RERE: variants seen among roughly 807,000 people sequenced by gnomAD.
The protein encoded by RERE is arginine-glutamic acid dipeptide repeats.
RERE carries 40 observed loss-of-function variants against 146.1 expected under a neutral mutation model. That is an observed-to-expected ratio of 0.27 (90% confidence interval 0.21 to 0.36). The LOEUF (loss-of-function observed/expected upper bound fraction) is 0.36, where lower values mean the gene tolerates loss of function less well. RERE is among the 10% of genes least tolerant of loss of function. RERE has a pLI of 1.00. For synonymous variants in RERE, 1,003 were observed against 866.0 expected (o/e 1.16, Z -2.78); for missense variants, 1,933 against 2,138.7 (o/e 0.90, Z 1.90).
intron 7 of RERE, among the ~76,000 whole-genome samples, chr1:8,537,820 C>T (rs1355228759): frequency 6.6e-6 from 1 of 151,816 alleles, no homozygotes; most frequent in Non-Finnish European, 1.5e-5. Context: ...AAATCAGATC[C>T]CTGACAAGAT....
At chr1:8,634,176 T>TA (rs1647068194) in intron 2 of RERE, among the ~76,000 whole-genome samples, 1 of 152,154 alleles carries the variant, frequency 6.6e-6, no homozygotes, top group Non-Finnish European at 1.5e-5. Context: ...CTGCTGCTAC[T>TA]ACAACCGCTC....
At chr1:8,488,793 G>C (rs1297424492) in intron 10 of RERE, among the ~76,000 whole-genome samples, 1 of 152,090 alleles carries the variant, frequency 6.6e-6, no homozygotes, top group Non-Finnish European at 1.5e-5. Context: ...CAATGTCAAG[G>C]CAGTCAAATG....
Position 8,580,982 on chromosome 1 carries a change from G to A in RERE, c.523-23459C>T, listed in dbSNP as rs555126057. On this transcript the variant is annotated intron_variant, in intron 4 of 22. Transcript: ENST00000400908. ...CTCCCAAAGTGCTGGGATTACAGGT[G>A]TGAGCAACCAGATCCTGCTACTACT... 1.3e-4 allele frequency among the ~76,000 whole-genome samples: 20 copies of A among 152,246 alleles called. No homozygotes were observed. The South Asian group carries it at 4.1e-3, about 32-fold the overall frequency.
intron 4 of RERE, among the ~76,000 whole-genome samples, chr1:8,580,474 C>T (rs1646350210): frequency 1.3e-5 from 2 of 152,318 alleles, no homozygotes; most frequent in Non-Finnish European, 2.9e-5. Flanking sequence ...AATCCAAAAA[C>T]TATAATTTCA....
At chr1:8,488,365 C>T (rs1644932979) in intron 10 of RERE, among the ~76,000 whole-genome samples, 1 of 152,120 alleles carries the variant, frequency 6.6e-6, no homozygotes, top group Admixed American at 6.5e-5. Flanking sequence ...CCTGCCTCAG[C>T]CTCCTGAATA....
At chr1:8,363,960 A>G (rs1641697857) in intron 15 of RERE, 96 bp downstream of exon 15, 1 of 1,159,824 alleles carries the variant, frequency 8.6e-7, no homozygotes, top group Admixed American at 2.0e-5. Flanking sequence ...TCTGGTAAAC[A>G]AGACTTTCGC....
intron 1 of RERE, among the ~76,000 whole-genome samples, chr1:8,696,534 C>T (rs1187741542): frequency 6.7e-6 from 1 of 149,832 alleles, no homozygotes; most frequent in Non-Finnish European, 1.5e-5. Context: ...GAATCGCTTG[C>T]ACCCGCAAGG....
At chr1:8,488,716 C>T (rs1207804964) in intron 10 of RERE, among the ~76,000 whole-genome samples, 2 of 152,014 alleles carry the variant, frequency 1.3e-5, no homozygotes, top group African/African-American at 2.4e-5. Context: ...GCCCTAATAA[C>T]GATCAATGAG....
intron 1 of RERE, among the ~76,000 whole-genome samples, chr1:8,790,103 G>T (rs1181920062): frequency 6.6e-6 from 1 of 152,130 alleles, no homozygotes; most frequent in Non-Finnish European, 1.5e-5. Context: ...ACACCTGTTG[G>T]CTAGCTGACA....
intron 8 of RERE, 123 bp downstream of exon 8, chr1:8,508,504 T>C: frequency 1.4e-6 from 1 of 738,722 alleles, no homozygotes; most frequent in South Asian, 1.7e-5. Flanking sequence ...AAAAAACCTC[T>C]GTATTTATAA....
chr1:8,395,120 C>G (rs1228729964), intron 12 of RERE, among the ~76,000 whole-genome samples: 2 of 152,122 alleles, frequency 1.3e-5, no homozygotes, highest in African/African-American at 4.8e-5. Context: ...TGTATATTCC[C>G]CTTCTCCTGC....
At chr1:8,485,658 T>C (rs1644889182) in intron 10 of RERE, among the ~76,000 whole-genome samples, 2 of 152,144 alleles carry the variant, frequency 1.3e-5, no homozygotes, top group Non-Finnish European at 2.9e-5. Flanking sequence ...CAAAAAAGGT[T>C]ACAGCAGAAA....
rs141014905 is a variant in RERE, at chr1:8,720,580, G to A, written c.-144-64139C>T. Among the ~76,000 whole-genome samples, 554 of 152,210 alleles carry A rather than the reference G, an allele frequency of 3.6e-3. 1 individual carries two copies. The highest frequency in any genetic ancestry group is 0.012 in the African/African-American group (480 of 41,532). ...ACGAGCAAGAGAGAGCAAGCGAGCC[G>A]GCAGGACTAGAACACAACTGAGGGT... On this transcript the variant is annotated intron_variant, in intron 1 of 22. Transcript: ENST00000400908.
intron 7 of RERE, among the ~76,000 whole-genome samples, chr1:8,538,967 T>C (rs1195966537): frequency 1.3e-5 from 2 of 152,218 alleles, no homozygotes; most frequent in Non-Finnish European, 2.9e-5. Context: ...AGTGCCTGGT[T>C]TACAAAGGTA....
chr1:8,406,764 T>C (rs566046509), intron 12 of RERE, among the ~76,000 whole-genome samples: 3 of 151,856 alleles, frequency 2.0e-5, no homozygotes, highest in South Asian at 4.2e-4. Flanking sequence ...TTAGAACACG[T>C]TGAGAATTTA....
intron 11 of RERE, among the ~76,000 whole-genome samples, chr1:8,435,648 C>T (rs1162273245): frequency 6.6e-6 from 1 of 152,188 alleles, no homozygotes; most frequent in African/African-American, 2.4e-5. Flanking sequence ...AAAAACCCTT[C>T]CCAGGAGGTC....
intron 1 of RERE, among the ~76,000 whole-genome samples, chr1:8,705,409 A>C (rs1183076590): frequency 1.3e-5 from 2 of 152,062 alleles, no homozygotes; most frequent in African/African-American, 4.8e-5. Context: ...AGCAGGAATA[A>C]TCTCCTTGCA....
chr1:8,382,648 G>A (rs894640223), intron 12 of RERE, among the ~76,000 whole-genome samples: 1 of 152,096 alleles, frequency 6.6e-6, no homozygotes, highest in South Asian at 2.1e-4. Context: ...CACAATGGAT[G>A]CCCGGCTTCT....
At chr1:8,608,966 C>A (rs951242505) in intron 4 of RERE, among the ~76,000 whole-genome samples, 2 of 151,954 alleles carry the variant, frequency 1.3e-5, no homozygotes, top group Admixed American at 6.6e-5. Context: ...TTCCTGTAAT[C>A]CCAGCACTTT....
Sources: allele counts gnomAD v4.1 joint callset (sites outside exome capture counted in the v4.1 genomes callset), GRCh38; gene constraint gnomAD v4.1.1; transcripts MANE v1.5; gene names NCBI Gene and HGNC (gene_info 2026-07-23, HGNC 2026-07-21).